The following ASTN2 variants were observed in gnomAD, a reference collection of about 807,000 sequenced individuals.
The protein encoded by ASTN2 is astrotactin 2.
A neutral mutation model predicts 139.8 loss-of-function variants in ASTN2; 54 were observed. The observed-to-expected ratio is 0.39, with a 90% confidence interval of 0.31 to 0.48. ASTN2 has a LOEUF of 0.48. ASTN2 is among the 20% of genes least tolerant of loss of function. The pLI is 0.95. For synonymous variants in ASTN2, 756 were observed against 719.5 expected (o/e 1.05, Z -0.81); for missense variants, 1,565 against 1,725.1 (o/e 0.91, Z 1.64).
At chr9:116,869,157 C>G (rs1833090167) in intron 10 of ASTN2, among the ~76,000 whole-genome samples, 3 of 152,016 alleles carry the variant, frequency 2.0e-5, no homozygotes, top group Admixed American at 2.0e-4. Context: ...TGCACTCCAG[C>G]CTGGGCAACA....
At chr9:117,089,495 CTT>C (rs1828648722) in intron 5 of ASTN2, among the ~76,000 whole-genome samples, 1 of 144,542 alleles carries the variant, frequency 6.9e-6, no homozygotes, top group Non-Finnish European at 1.5e-5. Context: ...CAAATAGACT[CTT>C]TTATTTATTT....
intron 13 of ASTN2, among the ~76,000 whole-genome samples, chr9:116,800,821 T>C (rs1467702313): frequency 6.6e-6 from 1 of 152,208 alleles, no homozygotes; most frequent in East Asian, 1.9e-4. Flanking sequence ...AGGTCTGAAA[T>C]AGTTAATCTT....
intron 2 of ASTN2, among the ~76,000 whole-genome samples, chr9:117,257,652 G>A (rs573139964): frequency 6.6e-6 from 1 of 152,314 alleles, no homozygotes; most frequent in South Asian, 2.1e-4. Context: ...TGGCTTTGAA[G>A]TGAGAATCAG....
chr9:116,629,915 G>A (rs900896071), intron 17 of ASTN2, among the ~76,000 whole-genome samples: 25 of 152,252 alleles, frequency 1.6e-4, no homozygotes, highest in African/African-American at 6.0e-4. Flanking sequence ...TGTTTCTCAA[G>A]ATGTACACAG....
chr9:117,075,726 A>C (rs1828264452), intron 5 of ASTN2, among the ~76,000 whole-genome samples: 1 of 152,142 alleles, frequency 6.6e-6, no homozygotes, highest in African/African-American at 2.4e-5. Context: ...TGAGGTAAAA[A>C]TTACAACTTA....
At chr9:116,754,139 C>G (rs150441331) in intron 13 of ASTN2, among the ~76,000 whole-genome samples, 14 of 152,298 alleles carry the variant, frequency 9.2e-5, no homozygotes, top group African/African-American at 3.4e-4. Flanking sequence ...AAGGACATAA[C>G]TCATCTTTTT....
intron 3 of ASTN2, among the ~76,000 whole-genome samples, chr9:117,144,659 AGTTT>A (rs1830149847): frequency 9.3e-6 from 1 of 108,076 alleles, no homozygotes; most frequent in African/African-American, 4.5e-5. Context: ...AGTGAACACT[AGTTT>A]TTTTTTTTTT....
At chr9:117,002,719 AG>A (rs1178974425) in intron 7 of ASTN2, among the ~76,000 whole-genome samples, 2 of 152,304 alleles carry the variant, frequency 1.3e-5, no homozygotes, top group Non-Finnish European at 1.5e-5. Context: ...ATTACATGTC[AG>A]GCATTATGCT....
intron 22 of ASTN2, among the ~76,000 whole-genome samples, chr9:116,428,759 G>A (rs747964676): frequency 2.4e-4 from 36 of 152,132 alleles, no homozygotes; most frequent in Non-Finnish European, 5.0e-4. Flanking sequence ...CTCACTCTGT[G>A]TGATACTGAG....
chr9:116,542,632 A>C (rs1030474849), intron 19 of ASTN2, among the ~76,000 whole-genome samples: 1 of 152,168 alleles, frequency 6.6e-6, no homozygotes, highest in Non-Finnish European at 1.5e-5. Context: ...TTTTAAGACT[A>C]TTATTTTTGG....
chr9:116,506,561 G>A (rs1850117714), intron 19 of ASTN2, among the ~76,000 whole-genome samples: 1 of 152,102 alleles, frequency 6.6e-6, no homozygotes, highest in Non-Finnish European at 1.5e-5. Context: ...ACAAACTAGA[G>A]CTCTGGCCCT....
intron 19 of ASTN2, chr9:116,584,376 T>C (rs1854068506): frequency 6.6e-6 from 1 of 152,118 alleles, no homozygotes; most frequent in East Asian, 1.9e-4. Context: ...AATGGCCTGC[T>C]ATCAATGATG....
chr9:116,920,140 T>C (rs1318900115), intron 10 of ASTN2, among the ~76,000 whole-genome samples: 1 of 152,100 alleles, frequency 6.6e-6, no homozygotes, highest in Non-Finnish European at 1.5e-5. Flanking sequence ...AAAGATGGTC[T>C]GAGCTCTAAA....
At chr9:117,236,491 C>G (rs148800562) in intron 2 of ASTN2, among the ~76,000 whole-genome samples, 1 of 152,254 alleles carries the variant, frequency 6.6e-6, no homozygotes, top group African/African-American at 2.4e-5. Context: ...GAAGAGGGAG[C>G]TCAGGGTGGG....
intron 10 of ASTN2, among the ~76,000 whole-genome samples, chr9:116,947,203 T>C (rs938907108): frequency 6.6e-6 from 1 of 152,170 alleles, no homozygotes; most frequent in African/African-American, 2.4e-5. Context: ...ACGTGGGGCA[T>C]TTGGAAGTCA....
rs149645364 is a variant in ASTN2 at position 117,182,544 on chromosome 9, G to C, written c.1015+31814C>G. Among the ~76,000 whole-genome samples the C allele has an allele frequency of 2.3e-4, 35 of 152,248 alleles. No homozygotes were observed. The East Asian group carries it at 6.4e-3, about 28-fold the overall frequency. On this transcript the variant is annotated intron_variant, in intron 3 of 22. Transcript: ENST00000313400. ...CTCTAGGGAAATTAGAACAGATAAG[G>C]TCCAAATGTAGCCGGGCACTCAAGG...
At chr9:117,035,138 G>C (rs923729900) in intron 6 of ASTN2, among the ~76,000 whole-genome samples, 1 of 152,118 alleles carries the variant, frequency 6.6e-6, no homozygotes, top group Admixed American at 6.5e-5. Context: ...GGAACTCATG[G>C]GGGTGACTGA....
intron 12 of ASTN2, among the ~76,000 whole-genome samples, chr9:116,806,939 A>G (rs527500517): frequency 7.9e-5 from 12 of 152,318 alleles, no homozygotes; most frequent in African/African-American, 2.9e-4. Flanking sequence ...TAATATCATA[A>G]TTTCTGCTTT....
At chr9:116,743,356 C>T (rs1243020257) in intron 13 of ASTN2, among the ~76,000 whole-genome samples, 1 of 152,160 alleles carries the variant, frequency 6.6e-6, no homozygotes, top group Admixed American at 6.5e-5. Flanking sequence ...TGAGACCATC[C>T]TCGCTAACAT....
Sources: allele counts gnomAD v4.1 joint callset (sites outside exome capture counted in the v4.1 genomes callset), GRCh38; gene constraint gnomAD v4.1.1; transcripts MANE v1.5; gene names NCBI Gene and HGNC (gene_info 2026-07-23, HGNC 2026-07-21).